Variants in PLS3 observed in about 807,000 individuals in gnomAD.
PLS3 encodes plastin 3, also known as plastin-3.
In PLS3, 11 loss-of-function variants were observed where a neutral mutation model predicts 46.5. That is an observed-to-expected ratio of 0.24 (90% CI 0.15 to 0.39). The LOEUF (loss-of-function observed/expected upper bound fraction) is 0.39. PLS3 is among the 10% of genes least tolerant of loss of function. PLS3 has a pLI of 1.00. For synonymous variants in PLS3, 167 were observed against 162.2 expected (o/e 1.03, Z -0.22); for missense variants, 308 against 461.8 (o/e 0.67, Z 3.05).
chrX:115,583,209 T>TTG (rs2074289094), intron 1 of PLS3, among the ~76,000 whole-genome samples: 1 of 112,501 alleles, frequency 8.9e-6, no homozygotes, highest in South Asian at 3.6e-4. Context: ...GACAGTCTAC[T>TTG]TGTCTGAAAA....
At chrX:115,621,635 T>C (rs1556637604) in intron 2 of PLS3, among the ~76,000 whole-genome samples, 1 of 111,585 alleles carries the variant, frequency 9.0e-6, no homozygotes, top group African/African-American at 3.2e-5. Flanking sequence ...GAAACTTCAG[T>C]AGTACAAAAA....
At chrX:115,593,904 T>C (rs1400727242) in intron 1 of PLS3, among the ~76,000 whole-genome samples, 7 of 111,315 alleles carry the variant, frequency 6.3e-5, no homozygotes, top group African/African-American at 2.3e-4. Flanking sequence ...GTTTATACTT[T>C]TTAAAAATGG....
chrX:115,635,744 C>A (rs1028444274), intron 7 of PLS3, among the ~76,000 whole-genome samples: 14 of 108,510 alleles, frequency 1.3e-4, no homozygotes, highest in African/African-American at 4.7e-4. Context: ...AATCCCAGCA[C>A]TTTGGGAGGC....
chrX:115,582,968 GA>G (rs1222445341), intron 1 of PLS3, among the ~76,000 whole-genome samples: 6 of 111,937 alleles, frequency 5.4e-5, no homozygotes, highest in Admixed American at 9.5e-5. Context: ...GAGCCTGGGG[GA>G]GGTTCAGGCT....
chrX:115,591,129 A>C (rs111647637), intron 1 of PLS3, among the ~76,000 whole-genome samples: 2,739 of 110,817 alleles, frequency 0.025, 85 homozygotes, highest in African/African-American at 0.085. Context: ...ACAGAGCGAG[A>C]CTCCGTCTCA....
chrX:115,565,157 C>T (rs782302806), intron 1 of PLS3, among the ~76,000 whole-genome samples: 1 of 111,459 alleles, frequency 9.0e-6, no homozygotes, highest in African/African-American at 3.3e-5. Flanking sequence ...ACAGTCTAAT[C>T]GTGAAATGTC....
intron 2 of PLS3, among the ~76,000 whole-genome samples, chrX:115,616,906 G>A (rs1556636875): frequency 8.9e-6 from 1 of 111,887 alleles, no homozygotes; most frequent in East Asian, 2.8e-4. Context: ...ATGGGAGGTA[G>A]TGTAATTTGG....
At chrX:115,567,709 CTTTTTTT>C (rs782653479) in intron 1 of PLS3, among the ~76,000 whole-genome samples, 11 of 81,950 alleles carry the variant, frequency 1.3e-4, no homozygotes, top group Admixed American at 8.1e-4. Flanking sequence ...TTTTCTTCTT[CTTTTTTT>C]TTTTTTTTTT....
At chrX:115,593,085 G>A (rs782105061) in intron 1 of PLS3, among the ~76,000 whole-genome samples, 1 of 111,822 alleles carries the variant, frequency 8.9e-6, no homozygotes, top group Non-Finnish European at 1.9e-5. Context: ...AGCATATGGG[G>A]TGTAAATGTT....
At chrX:115,610,712 C>T in intron 2 of PLS3, 1 of 352,156 alleles carries the variant, frequency 2.8e-6, no homozygotes, top group Admixed American at 5.6e-5. Flanking sequence ...ATATGTGACC[C>T]TCGAAAACAT....
intron 1 of PLS3, 62 bp from the exon 2 acceptor site, chrX:115,610,181 G>T: frequency 1.9e-6 from 1 of 527,017 alleles, no homozygotes; most frequent in Admixed American, 3.5e-5. Flanking sequence ...TGAGAACTTA[G>T]CAAGAGTGCT....
intron 8 of PLS3, among the ~76,000 whole-genome samples, chrX:115,639,239 A>G (rs782073564): frequency 8.9e-6 from 1 of 112,040 alleles, no homozygotes; most frequent in Non-Finnish European, 1.9e-5. Context: ...TCGCAATTGT[A>G]GTACACTATT....
chrX:115,634,232 G>A (rs1187874784), intron 6 of PLS3, 151 bp downstream of exon 6: 5 of 433,485 alleles, frequency 1.2e-5, no homozygotes, highest in Non-Finnish European at 2.0e-5. Context: ...AGACAGAACT[G>A]GGACTCAGAA....
In PLS3 at chrX:115,650,581, A is replaced by T. The variant is rs782264338; in HGVS notation, c.*1020A>T. 3 of 112,489 alleles carry T rather than the reference A, an allele frequency of 2.7e-5. No homozygotes were observed. Among genetic ancestry groups the T allele is most frequent in the Non-Finnish European group, 1.9e-5 (1 of 53,271 alleles). The allele number at this position is 112,489 out of a possible 1,213,427, so 9.3% of individuals were successfully genotyped here. On this transcript the variant is annotated 3_prime_UTR_variant, in exon 16 of 16. Coordinates refer to ENST00000355899, the MANE Select transcript of PLS3 (RefSeq NM_005032.7). ...CTCTTGCTTTGTCAAGCTGTTTGCT[A>T]TAGTTTCCAAGGTATTATGTTACTC... is the stretch of plus-strand genomic sequence containing the variant.
intron 2 of PLS3, among the ~76,000 whole-genome samples, chrX:115,611,156 T>G (rs2147491101): frequency 8.9e-6 from 1 of 112,353 alleles, no homozygotes. Context: ...AAAATCCCAT[T>G]AGTGGAAAAT....
intron 2 of PLS3, 25 bp downstream of exon 2, chrX:115,610,348 A>G (rs2074536340): frequency 4.9e-6 from 4 of 814,873 alleles, no homozygotes; most frequent in South Asian, 5.1e-5. Context: ...TAGTAAAACT[A>G]TAGGGAAGCA....
At chrX:115,634,772 TAC>T in intron 6 of PLS3, 107 bp from the exon 7 acceptor site, 1 of 712,197 alleles carries the variant, frequency 1.4e-6, no homozygotes. Context: ...ATGAAATTAA[TAC>T]AGGGTATTAA....
At position 115,647,873 on chromosome X, in the gene PLS3, T is replaced by G. The variant is rs1284860818; in HGVS notation, c.1636-20T>G. 8.3e-7 allele frequency: 1 copy of G among 1,199,954 alleles called. No homozygotes were observed. The highest frequency in any genetic ancestry group is 1.7e-5 in the African/African-American group (1 of 57,355). The stretch of plus-strand genomic sequence containing the variant: ...TTTGTATGTATCAAAATTCTCAGAT[T>G]TGTTCTCCTTTCACACTAGGACAAG... On this transcript the variant is annotated intron_variant, in intron 14 of 15. Transcript: ENST00000355899.
At position 115,579,827 on chromosome X, in the gene PLS3, G is replaced by T. The variant is rs183450470; in HGVS notation, c.-9+18567G>T. On this transcript the variant is annotated intron_variant, in intron 1 of 15. Coordinates refer to ENST00000355899, the MANE Select transcript of PLS3 (RefSeq NM_005032.7). ...GGCTCGCTGCAGCGTCAACATCCTGGGCTCAAGTGATTCTCCTGCCTAAGC... is the reference window on the plus strand; with the variant it reads ...GGCTCGCTGCAGCGTCAACATCCTGTGCTCAAGTGATTCTCCTGCCTAAGC... 3.3e-3 allele frequency among the ~76,000 whole-genome samples: 366 copies of T among 110,990 alleles called. 2 individuals are homozygous for T. The highest frequency in any genetic ancestry group is 0.011 in the African/African-American group (345 of 30,502).
Sources: gnomAD v4.1 joint callset for allele counts (sites outside exome capture counted in the v4.1 genomes callset) on GRCh38, gnomAD v4.1.1 for gene constraint, MANE v1.5 for transcripts, NCBI Gene and HGNC (gene_info 2026-07-23, HGNC 2026-07-21) for gene names.